The following DNAH6 variants were observed in gnomAD, a reference collection of about 807,000 sequenced individuals.
DNAH6 encodes the protein axonemal beta dynein heavy chain 6.
DNAH6 carries 340 observed loss-of-function variants against 491.4 expected under a neutral mutation model. The ratio of observed to expected loss-of-function variants is 0.69; its 90% CI spans 0.63 to 0.76. The LOEUF (loss-of-function observed/expected upper bound fraction) is 0.76. Among genes scored for constraint, DNAH6 ranks in the 30% least tolerant of loss-of-function variants. The pLI, the probability that DNAH6 is intolerant of heterozygous loss-of-function variation, is 0.00. For missense variants in DNAH6, 4,443 were observed against 4,972.2 expected, an observed-to-expected ratio of 0.89 and a Z score of 3.20; for synonymous variants, 1,603 against 1,686.1, an observed-to-expected ratio of 0.95 and a Z score of 1.21.
the DNAH6 span, among the ~76,000 whole-genome samples, chr2:84,485,126 C>T: frequency 3.9e-4 from 60 of 152,296 alleles, no homozygotes; most frequent in African/African-American, 1.4e-3. Context: ...TATTCTTCTC[C>T]ATCCTAATCT....
intron 47 of DNAH6, among the ~76,000 whole-genome samples, chr2:84,699,393 G>A (rs1426240676): frequency 6.6e-6 from 1 of 152,198 alleles, no homozygotes; most frequent in Admixed American, 6.5e-5. Context: ...CCACGATGGA[G>A]TTTGCAAAAT....
chr2:84,529,409 A>G (rs760012947), intron 4 of DNAH6, among the ~76,000 whole-genome samples: 8 of 152,112 alleles, frequency 5.3e-5, no homozygotes, highest in Non-Finnish European at 1.2e-4. Context: ...GTAATGTTAT[A>G]CCATATATTT....
the DNAH6 span, among the ~76,000 whole-genome samples, chr2:84,491,020 T>C: frequency 6.6e-6 from 1 of 152,248 alleles, no homozygotes; most frequent in African/African-American, 2.4e-5. Flanking sequence ...CATCCATTGA[T>C]AAATCTTTAG....
At chr2:84,661,153 A>T (rs1212083323) in intron 37 of DNAH6, among the ~76,000 whole-genome samples, 1 of 152,076 alleles carries the variant, frequency 6.6e-6, no homozygotes, top group Non-Finnish European at 1.5e-5. Context: ...AAAATAGCCT[A>T]TTTATTGTTC....
intron 14 of DNAH6, among the ~76,000 whole-genome samples, chr2:84,582,456 TG>T (rs1490607360): frequency 1.3e-4 from 20 of 152,200 alleles, no homozygotes; most frequent in African/African-American, 4.8e-4. Context: ...TTTTTGTTTT[TG>T]TTTTTTTCCT....
At chr2:84,579,731 G>A in intron 14 of DNAH6, 52 bp downstream of exon 14, 1 of 1,450,120 alleles carries the variant, frequency 6.9e-7, no homozygotes, top group Non-Finnish European at 9.2e-7. Context: ...TAGTAGGAAG[G>A]AAGACATAGG....
intron 68 of DNAH6, among the ~76,000 whole-genome samples, chr2:84,792,250 T>C (rs1677827945): frequency 6.6e-6 from 1 of 152,210 alleles, no homozygotes; most frequent in Non-Finnish European, 1.5e-5. Flanking sequence ...GGAGTTGTTG[T>C]TCAGTATAAA....
chr2:84,772,610 T>C (rs879624034), intron 64 of DNAH6, among the ~76,000 whole-genome samples: 14 of 152,178 alleles, frequency 9.2e-5, no homozygotes, highest in Non-Finnish European at 1.3e-4. Context: ...CAATTGTAAA[T>C]ACATATGCAC....
intron 64 of DNAH6, among the ~76,000 whole-genome samples, chr2:84,764,216 A>G (rs888311080): frequency 6.6e-5 from 10 of 151,682 alleles, no homozygotes; most frequent in African/African-American, 9.8e-5. Context: ...GATCCTAAAC[A>G]TTTGCCTTTG....
the DNAH6 span, among the ~76,000 whole-genome samples, chr2:84,479,057 T>C: frequency 6.6e-6 from 1 of 152,146 alleles, no homozygotes; most frequent in Non-Finnish European, 1.5e-5. Flanking sequence ...GCTGGACTCC[T>C]CTCTGATGCT....
the DNAH6 span, among the ~76,000 whole-genome samples, chr2:84,460,467 C>T: frequency 2.6e-5 from 4 of 152,182 alleles, no homozygotes; most frequent in African/African-American, 9.7e-5. Flanking sequence ...TATTCCTGAG[C>T]TGTCGCTTGA....
intron 43 of DNAH6, among the ~76,000 whole-genome samples, chr2:84,685,673 G>A (rs936771807): frequency 4.0e-5 from 6 of 151,812 alleles, no homozygotes; most frequent in African/African-American, 4.8e-5. Context: ...AGGGTCAGTC[G>A]GGCATGGTGG....
Position 84,575,813 on chromosome 2 carries a change from G to A in DNAH6, c.1925-1444G>A, listed in dbSNP as rs1350459899. The stretch of plus-strand genomic sequence containing the variant: ...GCAGGAGAATGGTGTGAACCCAGGA[G>A]GCGGAGCTTGCAGTGAGCCGAGATC... On this transcript the variant is annotated intron_variant, in intron 12 of 76. Transcript: ENST00000389394. Among the ~76,000 whole-genome samples the A allele has an allele frequency of 2.6e-5, 4 of 152,184 alleles. No homozygotes were observed. The East Asian group carries it at 5.8e-4, about 22-fold the overall frequency.
chr2:84,615,334 A>G (rs1686745547), intron 22 of DNAH6, among the ~76,000 whole-genome samples: 1 of 152,104 alleles, frequency 6.6e-6, no homozygotes, highest in African/African-American at 2.4e-5. Flanking sequence ...GTCAAAGATC[A>G]GTTGGCTATA....
At chr2:84,686,356 C>G (rs1170121226) in intron 43 of DNAH6, 128 bp from the exon 44 acceptor site, 3 of 592,290 alleles carry the variant, frequency 5.1e-6, no homozygotes, top group African/African-American at 1.9e-5. Flanking sequence ...ACAGTATTCT[C>G]TCAGTTTTTA....
At chr2:84,762,491 G>A (rs190127606) in intron 63 of DNAH6, among the ~76,000 whole-genome samples, 114 of 152,298 alleles carry the variant, frequency 7.5e-4, no homozygotes, top group Non-Finnish European at 8.7e-4. Context: ...GGAGACAGCA[G>A]CTTCATAAAT....
chr2:84,688,949 G>A (rs1268327241), intron 45 of DNAH6, among the ~76,000 whole-genome samples: 1 of 152,148 alleles, frequency 6.6e-6, no homozygotes, highest in African/African-American at 2.4e-5. Context: ...CAAAATTATA[G>A]CAAAACAAGT....
intron 60 of DNAH6, among the ~76,000 whole-genome samples, chr2:84,726,551 G>A (rs754203015): frequency 1.3e-5 from 2 of 152,086 alleles, no homozygotes; most frequent in Non-Finnish European, 2.9e-5. Context: ...ACCAAACACT[G>A]CATGTTCTCA....
At chr2:84,723,266 C>T (rs1056626113) in intron 60 of DNAH6, among the ~76,000 whole-genome samples, 1 of 151,760 alleles carries the variant, frequency 6.6e-6, no homozygotes, top group African/African-American at 2.4e-5. Flanking sequence ...TTTCACCAGC[C>T]CTTCCAAAGA....
Sources: gnomAD v4.1 joint callset for allele counts (sites outside exome capture counted in the v4.1 genomes callset) on GRCh38, gnomAD v4.1.1 for gene constraint, MANE v1.5 for transcripts, NCBI Gene and HGNC (gene_info 2026-07-23, HGNC 2026-07-21) for gene names.